The following FRMD4A variants were observed in gnomAD, a reference collection of about 807,000 sequenced individuals.
FRMD4A encodes the protein FERM domain-containing protein 4A.
FRMD4A carries 29 observed loss-of-function variants against 129.1 expected under a neutral mutation model. The observed-to-expected ratio is 0.22, with a 90% CI of 0.17 to 0.31. The LOEUF (loss-of-function observed/expected upper bound fraction) is 0.31. Ranked by LOEUF, FRMD4A falls within the 10% of genes least tolerant of loss-of-function variation. FRMD4A has a pLI of 1.00. For synonymous variants in FRMD4A, 634 were observed against 571.6 expected, an observed-to-expected ratio of 1.11 and a Z score of -1.56; for missense variants, 1,272 against 1,375.8, an observed-to-expected ratio of 0.92 and a Z score of 1.19.
intron 2 of FRMD4A, among the ~76,000 whole-genome samples, chr10:14,144,533 T>C (rs1839987006): frequency 4.6e-5 from 7 of 152,202 alleles, no homozygotes; most frequent in Admixed American, 4.6e-4. Context: ...GATGAGTTTC[T>C]GCTTGAAACC....
At chr10:14,188,002 C>T (rs1046648227) in intron 2 of FRMD4A, among the ~76,000 whole-genome samples, 16 of 152,152 alleles carry the variant, frequency 1.1e-4, no homozygotes, top group African/African-American at 3.9e-4. Context: ...GAAGGTATCT[C>T]CACCTCCTTG....
chr10:13,879,330 C>T (rs2094522239), intron 2 of FRMD4A, among the ~76,000 whole-genome samples: 1 of 152,080 alleles, frequency 6.6e-6, no homozygotes, highest in African/African-American at 2.4e-5. Flanking sequence ...GACCCCATCT[C>T]TCAAAAACAA....
intron 2 of FRMD4A, among the ~76,000 whole-genome samples, chr10:14,149,171 A>C (rs1032001330): frequency 1.3e-5 from 2 of 152,202 alleles, no homozygotes; most frequent in African/African-American, 4.8e-5. Flanking sequence ...TTTTATAGAA[A>C]ACCCATGCTA....
intron 6 of FRMD4A, among the ~76,000 whole-genome samples, chr10:13,763,934 G>T (rs979897728): frequency 6.6e-6 from 1 of 151,980 alleles, no homozygotes; most frequent in African/African-American, 2.4e-5. Context: ...GGGGTACCAG[G>T]TTGGCCAGGC....
At chr10:13,860,954 G>A (rs759833848) in intron 2 of FRMD4A, among the ~76,000 whole-genome samples, 5 of 152,142 alleles carry the variant, frequency 3.3e-5, no homozygotes, top group East Asian at 3.8e-4. Flanking sequence ...GCCACGGGAC[G>A]TACCAACTCT....
chr10:13,824,283 C>G (rs1341431494), intron 3 of FRMD4A, among the ~76,000 whole-genome samples: 2 of 141,676 alleles, frequency 1.4e-5, no homozygotes, highest in Non-Finnish European at 3.0e-5. Flanking sequence ...CAAGACCAGC[C>G]TGGCCAACAT....
chr10:14,244,338 A>G (rs887968059), intron 2 of FRMD4A, among the ~76,000 whole-genome samples: 1 of 152,108 alleles, frequency 6.6e-6, no homozygotes, highest in East Asian at 1.9e-4. Context: ...GTTAGGTGGA[A>G]CCCAGTGACT....
chr10:13,733,929 T>C (rs1407545699), intron 12 of FRMD4A, among the ~76,000 whole-genome samples: 1 of 152,168 alleles, frequency 6.6e-6, no homozygotes, highest in Non-Finnish European at 1.5e-5. Context: ...CAGTCTCTGG[T>C]TCAGTGATGC....
At chr10:13,907,699 A>T (rs1418559784) in intron 2 of FRMD4A, among the ~76,000 whole-genome samples, 1 of 152,192 alleles carries the variant, frequency 6.6e-6, no homozygotes, top group East Asian at 1.9e-4. Context: ...CTCTCACTTT[A>T]GGTGATGAGC....
At chr10:14,130,727 G>A (rs548567066) in intron 2 of FRMD4A, among the ~76,000 whole-genome samples, 55 of 152,306 alleles carry the variant, frequency 3.6e-4, no homozygotes, top group South Asian at 2.1e-3. Context: ...AGCCGTACAA[G>A]CTAAGCATAG....
At chr10:13,810,097 C>CTG (rs879583235) in intron 4 of FRMD4A, among the ~76,000 whole-genome samples, 1 of 151,974 alleles carries the variant, frequency 6.6e-6, no homozygotes, top group African/African-American at 2.4e-5. Flanking sequence ...GAGAGAGAGT[C>CTG]TGTGTGTGTG....
chr10:14,028,823 T>C (rs1833100727), intron 2 of FRMD4A, among the ~76,000 whole-genome samples: 1 of 152,302 alleles, frequency 6.6e-6, no homozygotes, highest in South Asian at 2.1e-4. Context: ...CAGTGATGGA[T>C]CCTAGGGTTG....
intron 2 of FRMD4A, among the ~76,000 whole-genome samples, chr10:13,982,907 G>A (rs2095567359): frequency 6.6e-6 from 1 of 152,210 alleles, no homozygotes. Flanking sequence ...AGGTGCATCA[G>A]CCAACAAGAA....
intron 2 of FRMD4A, among the ~76,000 whole-genome samples, chr10:14,321,231 A>G (rs1843035480): frequency 1.3e-5 from 2 of 152,080 alleles, no homozygotes; most frequent in South Asian, 4.1e-4. Context: ...AAGTATAGAG[A>G]AATACTCTAT....
intron 2 of FRMD4A, among the ~76,000 whole-genome samples, chr10:14,210,422 G>T (rs1309371710): frequency 6.6e-6 from 1 of 152,156 alleles, no homozygotes; most frequent in African/African-American, 2.4e-5. Context: ...TGTTACAGCA[G>T]CCCAAACAGA....
chr10:13,886,609 CT>C (rs2094624814), intron 2 of FRMD4A, among the ~76,000 whole-genome samples: 1 of 151,966 alleles, frequency 6.6e-6, no homozygotes, highest in African/African-American at 2.4e-5. Flanking sequence ...GAGACAGGTT[CT>C]CCCTCTGTTG....
intron 2 of FRMD4A, among the ~76,000 whole-genome samples, chr10:14,039,458 C>CAA (rs1565204741): frequency 5.6e-4 from 39 of 70,028 alleles, no homozygotes; most frequent in South Asian, 3.4e-3. Flanking sequence ...ATCAATCAAT[C>CAA]TATCTATCTA....
At chr10:13,921,218 T>TTCTTTCTCTC (rs2095067290) in intron 2 of FRMD4A, among the ~76,000 whole-genome samples, 1 of 38,292 alleles carries the variant, frequency 2.6e-5, no homozygotes, top group Admixed American at 2.5e-4. Context: ...CTCTTTTTCT[T>TTCTTTCTCTC]TCTTTCTTTC....
At chr10:13,662,721 C>A (rs994907818) in intron 19 of FRMD4A, among the ~76,000 whole-genome samples, 1 of 152,174 alleles carries the variant, frequency 6.6e-6, no homozygotes, top group East Asian at 1.9e-4. Flanking sequence ...ACTGGGATAT[C>A]TCCCCTCTTA....
Sources: gnomAD v4.1 joint callset for allele counts (sites outside exome capture counted in the v4.1 genomes callset) on GRCh38, gnomAD v4.1.1 for gene constraint, MANE v1.5 for transcripts, NCBI Gene and HGNC (gene_info 2026-07-23, HGNC 2026-07-21) for gene names.